The following ACOT11 variants were observed in gnomAD, a reference collection of about 807,000 sequenced individuals.
ACOT11 encodes the protein acyl-coenzyme A thioesterase 11.
A neutral mutation model predicts 77.5 loss-of-function variants in ACOT11; 69 were observed. That is an observed-to-expected ratio of 0.89 (90% CI 0.73 to 1.09). The LOEUF (loss-of-function observed/expected upper bound fraction) is 1.09. Among genes scored for constraint, ACOT11 ranks in the 50% least tolerant of loss-of-function variants. The probability of loss-of-function intolerance (pLI) is 0.00; values close to 1 mark genes in which losing one functional copy is unlikely to be tolerated. For synonymous variants in ACOT11, 279 were observed against 313.0 expected (o/e 0.89, Z 1.15); for missense variants, 766 against 813.7 (o/e 0.94, Z 0.71).
At chr1:54,554,131 G>A (rs1653166616) in intron 1 of ACOT11, among the ~76,000 whole-genome samples, 1 of 151,030 alleles carries the variant, frequency 6.6e-6, no homozygotes, top group African/African-American at 2.4e-5. Flanking sequence ...TGAAGTTATT[G>A]CATTTCAGCC....
intron 1 of ACOT11, among the ~76,000 whole-genome samples, chr1:54,580,281 G>A (rs1557654692): frequency 1.3e-5 from 2 of 152,098 alleles, no homozygotes; most frequent in Non-Finnish European, 2.9e-5. Flanking sequence ...TCCCCTTCAG[G>A]GCAGGTAGGT....
chr1:54,597,197 G>A, intron 6 of ACOT11, 62 bp from the exon 7 acceptor site: 1 of 1,594,100 alleles, frequency 6.3e-7, no homozygotes, highest in Non-Finnish European at 8.5e-7. Context: ...CCTGTGGGGA[G>A]GGGCTGCCCT....
intron 6 of ACOT11, among the ~76,000 whole-genome samples, chr1:54,595,409 G>A (rs1355399656): frequency 1.3e-5 from 2 of 152,030 alleles, no homozygotes; most frequent in African/African-American, 4.8e-5. Flanking sequence ...ATATGCTTAT[G>A]TGTATGTGTG....
Position 54,604,335 on chromosome 1 carries a change from T to C in ACOT11, c.1153-11T>C. The C allele has an allele frequency of 6.2e-7, 1 of 1,612,836 alleles. No individual in the cohort carries two copies. The highest frequency in any genetic ancestry group is 8.5e-7 in the Non-Finnish European group (1 of 1,179,146). ...GGGTGGGGTAGTGGTAGCACCTGTG[T>C]ACTCTTTCAGGTGTACCTGAGCTAC... On this transcript the variant is annotated splice_polypyrimidine_tract_variant and intron_variant, in intron 11 of 15. Transcript: ENST00000343744.
At chr1:54,624,620 G>C (rs1458561660) in intron 15 of ACOT11, among the ~76,000 whole-genome samples, 1 of 152,170 alleles carries the variant, frequency 6.6e-6, no homozygotes, top group Non-Finnish European at 1.5e-5. Flanking sequence ...GTAGAGGAAA[G>C]GGGACAGCAG....
intron 3 of ACOT11, 72 bp from the exon 4 acceptor site, chr1:54,592,474 G>A: frequency 2.1e-6 from 3 of 1,436,426 alleles, no homozygotes; most frequent in Non-Finnish European, 2.9e-6. Flanking sequence ...GAGAGGCTCT[G>A]CAAGTATCTG....
At chr1:54,567,340 G>A (rs766089267) in intron 1 of ACOT11, among the ~76,000 whole-genome samples, 2 of 149,484 alleles carry the variant, frequency 1.3e-5, no homozygotes, top group Non-Finnish European at 3.0e-5. Context: ...GTGCAATGGC[G>A]CGATCTAGGC....
Position 54,609,865 on chromosome 1 carries a change from A to G in ACOT11, c.*753A>G, listed in dbSNP as rs986745821. 3.6e-5 allele frequency: 58 copies of G among 1,613,784 alleles called. No homozygotes were observed. Among genetic ancestry groups the G allele is most frequent in the Non-Finnish European group, 4.5e-5 (53 of 1,180,032 alleles). ...CCAGCGTCAGGATGTTGCCACTTGG[A>G]GTATGAACAATGGGCACGGGGTTTT... is the stretch of plus-strand genomic sequence containing the variant. On this transcript the variant is annotated 3_prime_UTR_variant, in exon 16 of 16. Coordinates refer to ENST00000343744, the MANE Select transcript of ACOT11 (RefSeq NM_147161.4).
Position 54,584,862 on chromosome 1 carries a change from G to A in ACOT11, c.241G>A (p.Ala81Thr), listed in dbSNP as rs370299799. The A allele has an allele frequency of 1.1e-5, 18 of 1,611,164 alleles. No homozygotes were observed. The highest frequency in any genetic ancestry group is 3.3e-5 in the Admixed American group (2 of 59,758). ...GATTGACACCACGGCTTGCCTGTCCGGTAAGGCTGCGCTCCCCATGGTTCC... is the reference window on the plus strand; with the variant it reads ...GATTGACACCACGGCTTGCCTGTCCAGTAAGGCTGCGCTCCCCATGGTTCC... ...KWIDTTACLSAERHAGCPCVT... is the reference protein window; with the variant it reads ...KWIDTTACLSTERHAGCPCVT... Residue 81 changes from alanine to threonine, a missense_variant and splice_region_variant, in exon 2 of 16, where the codon GCG becomes ACG. Coordinates refer to ENST00000343744, the MANE Select transcript of ACOT11 (RefSeq NM_147161.4). The surrounding 1 kb of genome is among the most constrained non-coding windows in gnomAD (Gnocchi z 6.3).
In ACOT11 at chr1:54,620,845, C is replaced by CAAAAAA. The variant is rs767625864; in HGVS notation, c.1630-9862_1630-9857dup. On this transcript the variant is annotated intron_variant, in intron 15 of 16. Transcript: ENST00000371316. ...CCTGGATGACACAAAGAGACTCTGT[C>CAAAAAA]AAAAAAAAAAAAAAAAAAAAAAAAA... Among the ~76,000 whole-genome samples, 47 of 12,128 alleles carry CAAAAAA rather than the reference C, an allele frequency of 3.9e-3. 8 individuals are homozygous for CAAAAAA. Among genetic ancestry groups the CAAAAAA allele is most frequent in the East Asian group, 7.1e-3 (4 of 560 alleles). The allele number at this position is 12,128 out of a possible 152,430, so 8.0% of individuals were successfully genotyped here. A position where few individuals can be genotyped will look rare whatever the true frequency, so the allele number is the denominator to read the frequency against.
At chr1:54,563,891 C>T (rs1168948113) in intron 1 of ACOT11, among the ~76,000 whole-genome samples, 2 of 152,066 alleles carry the variant, frequency 1.3e-5, no homozygotes, top group African/African-American at 4.8e-5. Flanking sequence ...CATGGTGAAA[C>T]CCCATCTCCA....
chr1:54,585,990 G>A (rs1172795), intron 3 of ACOT11, 86 bp downstream of exon 3: 82,190 of 1,424,908 alleles, frequency 0.058, 5,552 homozygotes, highest in South Asian at 0.21. Flanking sequence ...CCTGGTCAGC[G>A]TCTGTGCTGC....
chr1:54,595,879 C>A (rs186311922), intron 6 of ACOT11, among the ~76,000 whole-genome samples: 2 of 152,308 alleles, frequency 1.3e-5, no homozygotes, highest in East Asian at 3.9e-4. Flanking sequence ...AGAAAATCTC[C>A]CCGGAGTGGG....
rs555548251 is a variant in ACOT11 at position 54,609,909 on chromosome 1, G to A, written c.*797G>A. ...GGGTTTTCAGCCACAGTTCCCTCGA[G>A]GCCAGTGTTCAGCAGGATCATGCCT... On this transcript the variant is annotated 3_prime_UTR_variant, in exon 16 of 16. Coordinates refer to ENST00000343744, the MANE Select transcript of ACOT11 (RefSeq NM_147161.4). 6 of 1,609,676 alleles carry A rather than the reference G, an allele frequency of 3.7e-6. No homozygotes were observed. The highest frequency in any genetic ancestry group is 1.7e-5 in the Admixed American group (1 of 60,028).
exon 17 of ACOT11, chr1:54,634,863 C>G (rs1644322376): frequency 1.7e-6 from 1 of 593,840 alleles, no homozygotes; most frequent in Admixed American, 3.0e-5. Flanking sequence ...ACACAGCCAC[C>G]CCGCTAAGAA....
chr1:54,568,468 A>G (rs1464688121), intron 1 of ACOT11, among the ~76,000 whole-genome samples: 1 of 149,712 alleles, frequency 6.7e-6, no homozygotes, highest in Admixed American at 6.7e-5. Context: ...GGGTTCAAGC[A>G]ATTCTCCTGC....
chr1:54,602,764 G>A, intron 10 of ACOT11, 40 bp downstream of exon 10: 1 of 1,494,118 alleles, frequency 6.7e-7, no homozygotes, highest in East Asian at 2.6e-5. Flanking sequence ...GTGGATTCGG[G>A]GCTGTTCACG....
At chr1:54,610,511 T>A, downstream of ACOT11, 1 of 1,613,588 alleles carries the variant, frequency 6.2e-7, no homozygotes, top group South Asian at 1.1e-5. Flanking sequence ...AGAAGAGGGA[T>A]CAGGCTGCCT....
chr1:54,618,845 T>G (rs962947069), intron 15 of ACOT11, among the ~76,000 whole-genome samples: 18 of 151,828 alleles, frequency 1.2e-4, no homozygotes, highest in Non-Finnish European at 2.2e-4. Flanking sequence ...TTATTTGATC[T>G]TTTTTTGCCT....
Sources: gnomAD v4.1 joint callset for allele counts (sites outside exome capture counted in the v4.1 genomes callset) on GRCh38, gnomAD v4.1.1 for gene constraint, Gnocchi (gnomAD v3.1) non-coding constraint, MANE v1.5 for transcripts, NCBI Gene and HGNC (gene_info 2026-07-23, HGNC 2026-07-21) for gene names.